The following PCDHA1 variants were observed in gnomAD, a reference collection of about 807,000 sequenced individuals.
The protein encoded by PCDHA1 is protocadherin alpha 1.
PCDHA1 carries 42 observed loss-of-function variants against 61.3 expected under a neutral mutation model. The ratio of observed to expected loss-of-function variants is 0.69; its 90% CI spans 0.54 to 0.89. PCDHA1 has a LOEUF of 0.89. Ranked by LOEUF, PCDHA1 falls within the 40% of genes least tolerant of loss-of-function variation. The pLI, the probability that PCDHA1 is intolerant of heterozygous loss-of-function variation, is 0.00. For synonymous variants in PCDHA1, 610 were observed against 553.8 expected, an observed-to-expected ratio of 1.10 and a Z score of -1.43; for missense variants, 1,256 against 1,235.3, an observed-to-expected ratio of 1.02 and a Z score of -0.25.
intron 1 of PCDHA1, among the ~76,000 whole-genome samples, chr5:140,832,378 A>G (rs1554133521): frequency 6.6e-6 from 1 of 152,196 alleles, no homozygotes; most frequent in Non-Finnish European, 1.5e-5. Context: ...CCATTCTTGA[A>G]ATGGCAGAAA....
chr5:140,787,398 G>A lies in PCDHA1; in HGVS notation c.1108G>A (p.Ala370Thr), dbSNP rs782375835. Residue 370 changes from alanine to threonine, a missense_variant, in exon 1 of 4, where the codon GCC becomes ACC. Physicochemically the swap from Ala to Thr is moderately conservative, Grantham distance 58. Coordinates refer to ENST00000504120, the MANE Select transcript of PCDHA1 (RefSeq NM_018900.4). ...REDAPLSTVI[A>T]LITVSDRDSG... is the part of the protein sequence containing the mutation. ...GGACGCTCCACTCAGCACCGTCATC[G>A]CCCTCATCACCGTGTCTGACCGTGA... 8.1e-6 allele frequency: 13 copies of A among 1,614,060 alleles called. No homozygotes were observed. The highest frequency in any genetic ancestry group is 2.7e-5 in the African/African-American group (2 of 74,916).
intron 1 of PCDHA1, chr5:140,830,439 T>G: frequency 6.2e-7 from 1 of 1,611,160 alleles, no homozygotes; most frequent in Non-Finnish European, 8.5e-7. Context: ...CCTATTATGA[T>G]GGGTAAGGCG....
At chr5:140,974,377 A>G (rs1356669539) in intron 1 of PCDHA1, among the ~76,000 whole-genome samples, 1 of 152,190 alleles carries the variant, frequency 6.6e-6, no homozygotes, top group Non-Finnish European at 1.5e-5. Flanking sequence ...TTTCTGTTGT[A>G]CTGGAACCCA....
chr5:140,904,857 T>G (rs1223482596), intron 1 of PCDHA1, among the ~76,000 whole-genome samples: 1 of 152,190 alleles, frequency 6.6e-6, no homozygotes, highest in Non-Finnish European at 1.5e-5. Context: ...CTGAGAATTG[T>G]CTGTTTATGT....
chr5:140,868,980 G>A (rs2050777662), intron 1 of PCDHA1: 2 of 1,489,988 alleles, frequency 1.3e-6, no homozygotes, highest in South Asian at 2.8e-5. Flanking sequence ...CCATCATACC[G>A]GATGCCACCG....
chr5:140,870,386 A>G (rs1209102528), intron 1 of PCDHA1: 1 of 1,614,082 alleles, frequency 6.2e-7, no homozygotes, highest in Middle Eastern at 1.6e-4. Flanking sequence ...ACTGCGCGGG[A>G]TGGGGGTTCG....
intron 1 of PCDHA1, chr5:140,830,393 G>T (rs1388629889): frequency 4.3e-6 from 7 of 1,614,072 alleles, no homozygotes; most frequent in African/African-American, 1.3e-5. Flanking sequence ...ACCCAAGATG[G>T]ATCTCATGGC....
intron 1 of PCDHA1, chr5:140,828,790 G>T: frequency 6.2e-7 from 1 of 1,614,182 alleles, no homozygotes; most frequent in Non-Finnish European, 8.5e-7. Flanking sequence ...TCACAGTGCT[G>T]GATGTGAATG....
intron 1 of PCDHA1, chr5:140,834,892 A>T (rs2150228741): frequency 6.2e-7 from 1 of 1,604,044 alleles, no homozygotes; most frequent in East Asian, 2.2e-5. Context: ...CTGCTCACTT[A>T]CAGACTGAGC....
At chr5:140,963,952 G>T (rs1466185819) in intron 1 of PCDHA1, among the ~76,000 whole-genome samples, 1 of 152,176 alleles carries the variant, frequency 6.6e-6, no homozygotes, top group Non-Finnish European at 1.5e-5. Context: ...TTAGTCACTG[G>T]CAGGAGTGTG....
chr5:140,897,947 T>A (rs1276045551), intron 1 of PCDHA1, among the ~76,000 whole-genome samples: 1 of 152,168 alleles, frequency 6.6e-6, no homozygotes, highest in Non-Finnish European at 1.5e-5. Context: ...CAGTGATGAT[T>A]AGCATTTTTT....
rs2150182143 is a variant in PCDHA1, at chr5:140,830,158, A to C, written c.2394+41474A>C. 4 of 1,613,420 alleles carry C rather than the reference A, an allele frequency of 2.5e-6. No individual in the cohort carries two copies. In the Admixed American group the frequency reaches 5.0e-5, roughly 20 times the overall value. On this transcript the variant is annotated intron_variant, in intron 1 of 3. Coordinates refer to ENST00000504120, the MANE Select transcript of PCDHA1 (RefSeq NM_018900.4). ...GGGCGTCGGTGGGCGCCGCGGGCCC[A>C]GAGGCGGCGCTGGTGGATGTCAACG...
rs782491268 is a variant in PCDHA1 at position 140,857,317 on chromosome 5, G to T, written c.2394+68633G>T. 1.5e-5 allele frequency: 24 copies of T among 1,598,644 alleles called. 2 individuals carry two copies. The highest frequency in any genetic ancestry group is 1.9e-5 in the Non-Finnish European group (22 of 1,168,052). ...AGAGGGTGTCGGCCTATGAGCTGGTGGTGACCGCGCGGGACGGGGGCTCGC... is the reference window on the plus strand; with the variant it reads ...AGAGGGTGTCGGCCTATGAGCTGGTTGTGACCGCGCGGGACGGGGGCTCGC... On this transcript the variant is annotated intron_variant, in intron 1 of 3. Transcript: ENST00000504120.
intron 1 of PCDHA1, chr5:140,836,934 A>G (rs904378131): frequency 1.9e-5 from 9 of 477,852 alleles, no homozygotes; most frequent in Non-Finnish European, 2.9e-5. Context: ...GCGTAATACT[A>G]TAGATCAAAA....
intron 1 of PCDHA1, among the ~76,000 whole-genome samples, chr5:140,893,506 A>AT (rs1270469461): frequency 6.6e-6 from 1 of 152,170 alleles, no homozygotes; most frequent in African/African-American, 2.4e-5. Context: ...AGAAAAAAAA[A>AT]GCAGTTGTAG....
At chr5:140,958,098 G>A (rs1170347696) in intron 1 of PCDHA1, among the ~76,000 whole-genome samples, 4 of 152,088 alleles carry the variant, frequency 2.6e-5, no homozygotes, top group South Asian at 2.1e-4. Context: ...ACAATAGTGT[G>A]TAGAGTGTGG....
chr5:140,890,499 TTA>T (rs1320014650), intron 1 of PCDHA1, among the ~76,000 whole-genome samples: 1 of 152,222 alleles, frequency 6.6e-6, no homozygotes, highest in Non-Finnish European at 1.5e-5. Flanking sequence ...CTCACCATTT[TTA>T]TGTCTCTATT....
intron 1 of PCDHA1, among the ~76,000 whole-genome samples, chr5:140,938,203 C>T (rs1181415730): frequency 6.6e-6 from 1 of 152,146 alleles, no homozygotes; most frequent in Non-Finnish European, 1.5e-5. Flanking sequence ...ACGCCAGCCT[C>T]CCAAAGTGCT....
intron 1 of PCDHA1, among the ~76,000 whole-genome samples, chr5:140,906,888 A>C (rs1438258969): frequency 6.6e-6 from 1 of 152,102 alleles, no homozygotes; most frequent in Admixed American, 6.5e-5. Flanking sequence ...CTTCCTTCTT[A>C]GATTGTTGGT....
Sources: allele counts gnomAD v4.1 joint callset (sites outside exome capture counted in the v4.1 genomes callset), GRCh38; gene constraint gnomAD v4.1.1; transcripts MANE v1.5; gene names NCBI Gene and HGNC (gene_info 2026-07-23, HGNC 2026-07-21).